The following HPSE2 variants were observed in gnomAD, a reference collection of about 807,000 sequenced individuals.
HPSE2 encodes the protein inactive heparanase-2.
A neutral mutation model predicts 60.5 loss-of-function variants in HPSE2; 38 were observed. The observed-to-expected ratio is 0.63, with a 90% CI of 0.48 to 0.82. The LOEUF (loss-of-function observed/expected upper bound fraction) is 0.82, where lower values mean the gene tolerates loss of function less well. HPSE2 is among the 40% of genes least tolerant of loss of function. The probability of loss-of-function intolerance (pLI) is 0.00; values close to 1 mark genes in which losing one functional copy is unlikely to be tolerated. For missense variants in HPSE2, 713 were observed against 740.4 expected (o/e 0.96, Z 0.43); for synonymous variants, 295 against 293.2 (o/e 1.01, Z -0.06).
At chr10:98,693,173 G>A (rs1948123478) in intron 6 of HPSE2, among the ~76,000 whole-genome samples, 1 of 152,200 alleles carries the variant, frequency 6.6e-6, no homozygotes, top group African/African-American at 2.4e-5. Flanking sequence ...AGATGATTTG[G>A]AAGATATTGT....
chr10:98,886,672 C>T (rs1953175086), intron 3 of HPSE2, among the ~76,000 whole-genome samples: 1 of 152,036 alleles, frequency 6.6e-6, no homozygotes, highest in Admixed American at 6.6e-5. Flanking sequence ...GTGTTAAAGG[C>T]TTAGTGCAAA....
intron 3 of HPSE2, among the ~76,000 whole-genome samples, chr10:98,955,667 TGCA>T (rs1164219803): frequency 6.6e-6 from 1 of 152,220 alleles, no homozygotes; most frequent in Non-Finnish European, 1.5e-5. Flanking sequence ...GTATGTTCAC[TGCA>T]GCACTATTCA....
intron 4 of HPSE2, among the ~76,000 whole-genome samples, chr10:98,729,300 ATTT>A (rs201830322): frequency 9.2e-5 from 14 of 151,836 alleles, no homozygotes; most frequent in African/African-American, 3.4e-4. Context: ...TGAAGGTAAA[ATTT>A]TTTTTTAAAA....
chr10:98,837,488 G>A (rs1951815663), intron 3 of HPSE2, among the ~76,000 whole-genome samples: 1 of 152,286 alleles, frequency 6.6e-6, no homozygotes, highest in Non-Finnish European at 1.5e-5. Context: ...TATTTTCTAT[G>A]TATAGGAAAC....
intron 5 of HPSE2, among the ~76,000 whole-genome samples, chr10:98,703,207 C>A (rs1948458003): frequency 6.6e-6 from 1 of 152,136 alleles, no homozygotes; most frequent in Admixed American, 6.5e-5. Flanking sequence ...TTCCTGGAAA[C>A]ATATACCCTC....
At chr10:98,691,415 T>C (rs1948074535) in intron 6 of HPSE2, among the ~76,000 whole-genome samples, 2 of 152,196 alleles carry the variant, frequency 1.3e-5, no homozygotes, top group Admixed American at 6.5e-5. Flanking sequence ...TATTTTTGCA[T>C]CATAAAAATA....
intron 3 of HPSE2, among the ~76,000 whole-genome samples, chr10:99,123,115 T>C (rs952044799): frequency 1.3e-5 from 2 of 152,268 alleles, no homozygotes; most frequent in Non-Finnish European, 2.9e-5. Flanking sequence ...CATGTAAACA[T>C]AAATTCCAGT....
At chr10:98,923,699 C>A (rs1954356996) in intron 3 of HPSE2, among the ~76,000 whole-genome samples, 1 of 151,874 alleles carries the variant, frequency 6.6e-6, no homozygotes, top group Non-Finnish European at 1.5e-5. Flanking sequence ...CTGATAAATT[C>A]TTCAGCATGT....
At chr10:98,535,016 G>C (rs926998790) in intron 9 of HPSE2, among the ~76,000 whole-genome samples, 1 of 152,050 alleles carries the variant, frequency 6.6e-6, no homozygotes, top group African/African-American at 2.4e-5. Flanking sequence ...CCTTCCACCC[G>C]CCTCTCAGAT....
intron 3 of HPSE2, among the ~76,000 whole-genome samples, chr10:98,811,239 G>A (rs765390497): frequency 1.7e-4 from 26 of 152,044 alleles, no homozygotes; most frequent in Admixed American, 5.3e-4. Flanking sequence ...AAGTCTCCCA[G>A]TAATCTCATT....
intron 5 of HPSE2, among the ~76,000 whole-genome samples, chr10:98,696,971 T>A (rs1351760352): frequency 6.6e-6 from 1 of 151,676 alleles, no homozygotes; most frequent in Admixed American, 6.6e-5. Flanking sequence ...CAAAAAAATG[T>A]CCCACAAAAA....
intron 6 of HPSE2, among the ~76,000 whole-genome samples, chr10:98,651,787 T>C (rs1260641879): frequency 6.6e-6 from 1 of 151,562 alleles, no homozygotes; most frequent in African/African-American, 2.4e-5. Flanking sequence ...TTTTTTTTTT[T>C]CTTGAGATGG....
intron 9 of HPSE2, among the ~76,000 whole-genome samples, chr10:98,591,250 T>C (rs1945081645): frequency 1.3e-5 from 2 of 152,228 alleles, no homozygotes; most frequent in South Asian, 4.1e-4. Flanking sequence ...GAGAAGACTA[T>C]GGGACAATTT....
chr10:98,723,979 A>T (rs1948999562), intron 4 of HPSE2, among the ~76,000 whole-genome samples: 1 of 151,666 alleles, frequency 6.6e-6, no homozygotes. Context: ...TTCTGCTTTG[A>T]TCTTAGTTAT....
intron 2 of HPSE2, among the ~76,000 whole-genome samples, chr10:99,201,421 C>T (rs1201018548): frequency 6.6e-6 from 1 of 152,098 alleles, no homozygotes; most frequent in Non-Finnish European, 1.5e-5. Context: ...TGAGATAAAT[C>T]TTCCTAAAAT....
intron 3 of HPSE2, among the ~76,000 whole-genome samples, chr10:98,897,031 C>T (rs1218890518): frequency 3.3e-5 from 5 of 152,126 alleles, no homozygotes; most frequent in Non-Finnish European, 2.9e-5. Flanking sequence ...GGAAGAAATG[C>T]TACAACCTTG....
chr10:98,556,448 A>G (rs1589416277), intron 9 of HPSE2, among the ~76,000 whole-genome samples: 1 of 152,374 alleles, frequency 6.6e-6, no homozygotes, highest in Non-Finnish European at 1.5e-5. Context: ...TCTACAAACT[A>G]TTAGAATTAC....
intron 9 of HPSE2, among the ~76,000 whole-genome samples, chr10:98,555,441 C>T (rs536534411): frequency 1.2e-4 from 18 of 152,274 alleles, no homozygotes; most frequent in Non-Finnish European, 1.6e-4. Context: ...TTTGCACACT[C>T]GGCTTGTCCT....
chr10:98,772,635 A>G (rs1056199630), intron 3 of HPSE2, among the ~76,000 whole-genome samples: 2 of 152,196 alleles, frequency 1.3e-5, no homozygotes, highest in South Asian at 2.1e-4. Context: ...CTTATTCCAG[A>G]GGAATTTATG....
Sources: gnomAD v4.1 joint callset for allele counts (sites outside exome capture counted in the v4.1 genomes callset) on GRCh38, gnomAD v4.1.1 for gene constraint, MANE v1.5 for transcripts, NCBI Gene and HGNC (gene_info 2026-07-23, HGNC 2026-07-21) for gene names.